The following WDFY3 variants were observed in gnomAD, a reference collection of about 807,000 sequenced individuals.
WDFY3 encodes the protein WD repeat and FYVE domain-containing protein 3.
A neutral mutation model predicts 409.6 loss-of-function variants in WDFY3; 66 were observed. The observed-to-expected ratio is 0.16, with a 90% CI of 0.13 to 0.20. The LOEUF (loss-of-function observed/expected upper bound fraction) is 0.20, where lower values mean the gene tolerates loss of function less well. Ranked by LOEUF, WDFY3 falls within the 10% of genes least tolerant of loss-of-function variation. The probability of loss-of-function intolerance (pLI) is 1.00; values close to 1 mark genes in which losing one functional copy is unlikely to be tolerated. For missense variants in WDFY3, 3,031 were observed against 4,298.1 expected, an observed-to-expected ratio of 0.71 and a Z score of 8.24; for synonymous variants, 1,521 against 1,537.1, an observed-to-expected ratio of 0.99 and a Z score of 0.25.
intron 3 of WDFY3, among the ~76,000 whole-genome samples, chr4:84,865,575 A>C (rs1413824589): frequency 6.6e-6 from 1 of 152,232 alleles, no homozygotes; most frequent in Non-Finnish European, 1.5e-5. Context: ...TTTAGCCAGA[A>C]GCCGTAATGT....
Position 84,966,423 on chromosome 4 carries a change from A to C in WDFY3, c.-440T>G, listed in dbSNP as rs1399839700. 2 of 152,726 alleles carry C rather than the reference A, an allele frequency of 1.3e-5. No individual in the cohort carries two copies. Among genetic ancestry groups the C allele is most frequent in the Non-Finnish European group, 2.9e-5 (2 of 67,900 alleles). 9.5% of individuals were successfully genotyped at this position (152,726 alleles called of 1,614,324 possible). On this transcript the variant is annotated 5_prime_UTR_variant, in exon 1 of 68. Coordinates refer to ENST00000295888, the MANE Select transcript of WDFY3 (RefSeq NM_014991.6). ...TGGGAACCGGTCCGCCGGGCCAGGC[A>C]GCGGTGCTAGGCAGCAGGGGCAGCG...
intron 3 of WDFY3, among the ~76,000 whole-genome samples, chr4:84,896,665 A>C (rs891903887): frequency 1.3e-5 from 2 of 152,220 alleles, no homozygotes; most frequent in Non-Finnish European, 2.9e-5. Context: ...AAATATGTGT[A>C]AGCATATAGG....
At chr4:84,736,966 C>T (rs548963764) in intron 41 of WDFY3, among the ~76,000 whole-genome samples, 63 of 145,458 alleles carry the variant, frequency 4.3e-4, no homozygotes, top group African/African-American at 1.3e-3. Flanking sequence ...AATGCATAAA[C>T]GCCTGATGTA....
chr4:84,921,707 G>C (rs1769309145), intron 2 of WDFY3, among the ~76,000 whole-genome samples: 1 of 134,884 alleles, frequency 7.4e-6, no homozygotes, highest in African/African-American at 2.9e-5. Flanking sequence ...GCCCAGGCTG[G>C]AGTGCTGTGA....
At chr4:84,716,626 C>T (rs1215751486) in intron 49 of WDFY3, among the ~76,000 whole-genome samples, 1 of 150,674 alleles carries the variant, frequency 6.6e-6, no homozygotes, top group Non-Finnish European at 1.5e-5. Flanking sequence ...GAAACCCCGT[C>T]TCTACTAAAA....
chr4:84,716,393 C>T (rs919031925), intron 49 of WDFY3, among the ~76,000 whole-genome samples: 1 of 142,822 alleles, frequency 7.0e-6, no homozygotes, highest in South Asian at 2.2e-4. Flanking sequence ...GAGCCTAGAT[C>T]GTGCCACTGC....
intron 3 of WDFY3, among the ~76,000 whole-genome samples, chr4:84,876,123 A>G (rs1762747811): frequency 6.6e-6 from 1 of 152,230 alleles, no homozygotes; most frequent in Non-Finnish European, 1.5e-5. Flanking sequence ...GCTTGTTTAC[A>G]CCAGCATCAC....
intron 44 of WDFY3, among the ~76,000 whole-genome samples, chr4:84,729,503 AT>A (rs1028337140): frequency 2.0e-5 from 3 of 151,908 alleles, no homozygotes; most frequent in African/African-American, 4.8e-5. Context: ...AATTATTACT[AT>A]TTTTATTACA....
intron 1 of WDFY3, among the ~76,000 whole-genome samples, chr4:84,940,782 A>G (rs1772013292): frequency 6.6e-6 from 1 of 152,132 alleles, no homozygotes; most frequent in East Asian, 1.9e-4. Context: ...TTAACAAAAT[A>G]TAAGGAAACC....
At position 84,803,413 on chromosome 4, in the gene WDFY3, G is replaced by A. The variant is rs371258688; in HGVS notation, c.2484C>T (p.Ala828=). Residue 828 remains alanine (A), a synonymous_variant, in exon 16 of 68, where the codon GCC becomes GCT. Transcript: ENST00000295888. The stretch of plus-strand genomic sequence containing the variant: ...AAGTTGTCACATGTAGTTTCAGGTC[G>A]GCAACATTTTTAGGAGGGTAAACAG... The part of the protein sequence containing the change: ...TPPVYPPKNV[A]DLKLHVTTSS... 1.2e-4 allele frequency: 195 copies of A among 1,613,822 alleles called. No homozygotes were observed. Among genetic ancestry groups the A allele is most frequent in the Middle Eastern group, 1.6e-4 (1 of 6,082 alleles).
chr4:84,896,761 C>T (rs1196298374), intron 3 of WDFY3, 150 bp downstream of exon 3: 1 of 152,000 alleles, frequency 6.6e-6, no homozygotes, highest in Non-Finnish European at 1.5e-5. Flanking sequence ...TATGATAGTA[C>T]AGTAATCAAA....
Position 84,913,285 on chromosome 4 carries a change from T to C in WDFY3, c.-131-16275A>G, listed in dbSNP as rs114162412. ...ATGAAAGTCTAGAAAAATGACACCA[T>C]AGAAGATGCCATCATTGTTACAGAA... On this transcript the variant is annotated intron_variant, in intron 2 of 67. Transcript: ENST00000295888. Among the ~76,000 whole-genome samples, 672 of 152,168 alleles carry C rather than the reference T, an allele frequency of 4.4e-3. 4 individuals are homozygous for C. The highest frequency in any genetic ancestry group is 0.015 in the African/African-American group (627 of 41,522).
intron 15 of WDFY3, among the ~76,000 whole-genome samples, chr4:84,805,006 A>G (rs906835404): frequency 1.3e-4 from 20 of 152,186 alleles, no homozygotes; most frequent in African/African-American, 2.4e-5. Context: ...AAAACTTTTT[A>G]AGCACCCACA....
chr4:84,739,472 C>A, intron 39 of WDFY3: 1 of 212,500 alleles, frequency 4.7e-6, no homozygotes, highest in Non-Finnish European at 9.6e-6. Context: ...TCTCACTACT[C>A]TGCTCCTGTA....
Position 84,671,012 on chromosome 4 carries a change from T to C in WDFY3, c.*1856A>G, listed in dbSNP as rs1376112943. The stretch of plus-strand genomic sequence containing the variant: ...AGAAATGGAAGTGTTTTAATCAATT[T>C]TGATATGTAATCATAAATAGACTGT... On this transcript the variant is annotated 3_prime_UTR_variant, in exon 68 of 68. Coordinates refer to ENST00000295888, the MANE Select transcript of WDFY3 (RefSeq NM_014991.6). The C allele has an allele frequency of 6.6e-6, 1 of 152,642 alleles. No individual in the cohort carries two copies. The highest frequency in any genetic ancestry group is 1.9e-4 in the East Asian group (1 of 5,198). 9.5% of individuals were successfully genotyped at this position (152,642 alleles called of 1,614,324 possible). A position where few individuals can be genotyped will look rare whatever the true frequency, so the allele number is the denominator to read the frequency against.
At chr4:84,686,965 CTTTCA>C (rs1194688643) in intron 62 of WDFY3, among the ~76,000 whole-genome samples, 2 of 151,968 alleles carry the variant, frequency 1.3e-5, no homozygotes, top group African/African-American at 4.8e-5. Flanking sequence ...TATTTGACTT[CTTTCA>C]TTTATTTGTA....
intron 50 of WDFY3, among the ~76,000 whole-genome samples, chr4:84,713,440 C>T (rs1578217680): frequency 6.6e-6 from 1 of 152,102 alleles, no homozygotes; most frequent in African/African-American, 2.4e-5. Flanking sequence ...AACAATAGCA[C>T]CTTTAGAAAT....
In WDFY3 at chr4:84,765,880, T is replaced by C. The variant is rs762331202; in HGVS notation, c.5118A>G (p.Glu1706=). The part of the protein sequence containing the change: ...SNQSILIKFK[E]GLSGGGWLEQ... ...CAAGCCATCCTCCACCACTGAGTCCTTCTTTAAACTTGATGAGAATAGACT... is the reference window on the plus strand; with the variant it reads ...CAAGCCATCCTCCACCACTGAGTCCCTCTTTAAACTTGATGAGAATAGACT... The change falls in exon 32 of 68, where the codon GAA becomes GAG. Residue 1706 remains glutamate, a synonymous_variant. Transcript: ENST00000295888. The C allele has an allele frequency of 1.2e-6, 2 of 1,613,944 alleles. No homozygotes were observed. Among genetic ancestry groups the C allele is most frequent in the South Asian group, 2.2e-5 (2 of 91,078 alleles).
At chr4:84,708,834 C>T (rs1336700419) in intron 53 of WDFY3, 75 bp downstream of exon 53, 8 of 1,532,646 alleles carry the variant, frequency 5.2e-6, no homozygotes, top group African/African-American at 1.4e-5. Flanking sequence ...AGCCACTGCA[C>T]CCCACTTCAA....
Sources: allele counts gnomAD v4.1 joint callset (sites outside exome capture counted in the v4.1 genomes callset), GRCh38; gene constraint gnomAD v4.1.1; transcripts MANE v1.5; gene names NCBI Gene and HGNC (gene_info 2026-07-23, HGNC 2026-07-21).